The following PCDHB9 variants were observed in gnomAD, a reference collection of about 807,000 sequenced individuals.
PCDHB9 encodes the protein protocadherin beta 9.
For synonymous variants in PCDHB9, 501 were observed against 439.7 expected (o/e 1.14, Z -1.75); for missense variants, 1,072 against 995.1 (o/e 1.08, Z -1.04).
chr5:141,189,825 C>T lies in PCDHB9; in HGVS notation c.*113C>T, dbSNP rs1753856555. ...TATTTTTTGTTTGATTCATCTTCAA[C>T]TTTGCGTATTATGCTTAACTTCACA... On this transcript the variant is annotated 3_prime_UTR_variant, in exon 1 of 1. Coordinates refer to ENST00000316105, the MANE Select transcript of PCDHB9 (RefSeq NM_019119.5). 1 of 930,530 alleles carries T rather than the reference C, an allele frequency of 1.1e-6. No individual in the cohort carries two copies. The highest frequency in any genetic ancestry group is 1.7e-5 in the African/African-American group (1 of 60,082). The allele number at this position is 930,530 out of a possible 1,614,324, so 57.6% of individuals were successfully genotyped here. A position where few individuals can be genotyped will look rare whatever the true frequency, so the allele number is the denominator to read the frequency against.
chr5:141,189,367 C>T lies in PCDHB9; in HGVS notation c.2049C>T (p.Ala683=). ...AGGCGGCCCCGGCCCAGGCCCAGGC[C>T]GACTTGCTCACCGTCTACCTGGTGG... ...LPEAAPAQAQ[A]DLLTVYLVVA... Residue 683 remains alanine, a synonymous_variant, in exon 1 of 1, where the codon GCC becomes GCT. Transcript: ENST00000316105. 3.7e-6 allele frequency: 6 copies of T among 1,611,664 alleles called. No homozygotes were observed. Among genetic ancestry groups the T allele is most frequent in the Non-Finnish European group, 5.1e-6 (6 of 1,179,812 alleles).
rs782769511 is a variant in PCDHB9, at chr5:141,187,446, C to T, written c.128C>T (p.Ser43Phe). ...GTGACTGAGGAAACAGAGAAAGGAT[C>T]CTTTGTGGTCAATCTGGCAAAGGAT... ...YSVTEETEKG[S>F]FVVNLAKDLG... is the part of the protein sequence containing the mutation. Residue 43 changes from serine to phenylalanine, a missense_variant, in exon 1 of 1, where the codon TCC becomes TTC. Transcript: ENST00000316105. 1 of 1,613,868 alleles carries T rather than the reference C, an allele frequency of 6.2e-7. No individual in the cohort carries two copies. Among genetic ancestry groups the T allele is most frequent in the East Asian group, 2.2e-5 (1 of 44,880 alleles).
rs782084035 is a variant in PCDHB9, at chr5:141,187,349, C to T, written c.31C>T (p.Gln11Ter). The T allele has an allele frequency of 3.9e-5, 63 of 1,613,952 alleles. No individual in the cohort carries two copies. Among genetic ancestry groups the T allele is most frequent in the Admixed American group, 2.0e-4 (12 of 59,966 alleles). The change falls in exon 1 of 1, where the codon CAA becomes TAA. Residue 11 changes from glutamine (Q) to a stop codon, truncating the protein, a stop_gained. Coordinates refer to ENST00000316105, the MANE Select transcript of PCDHB9 (RefSeq NM_019119.5). LOFTEE classifies it low-confidence loss of function (END_TRUNC). ...GACCAGGGGGTTCAGCTTTCCAAGA[C>T]AAAGGCAAGTCCTGTTTCTTTTTCT... MKTRGFSFPRQRQVLFLFLFW... is the reference protein window; with the variant it reads MKTRGFSFPR
At position 141,191,318 on chromosome 5, in the gene PCDHB9, G is replaced by C. The variant is rs2149667596; in HGVS notation, c.*1606G>C. The C allele has an allele frequency of 6.6e-6, 1 of 152,176 alleles. No individual in the cohort carries two copies. Among genetic ancestry groups the C allele is most frequent in the South Asian group, 2.1e-4 (1 of 4,814 alleles). 9.4% of individuals were successfully genotyped at this position (152,176 alleles called of 1,614,324 possible). On this transcript the variant is annotated 3_prime_UTR_variant, in exon 1 of 1. Coordinates refer to ENST00000316105, the MANE Select transcript of PCDHB9 (RefSeq NM_019119.5). ...CTTTGAATAAAATTCTATGAAAAAA[G>C]ACACTAGAATGCTGTTCTTAATTTT... is the stretch of plus-strand genomic sequence containing the variant.
Position 141,187,244 on chromosome 5 carries a change from C to A in PCDHB9, c.-75C>A. On this transcript the variant is annotated 5_prime_UTR_variant, in exon 1 of 1. Transcript: ENST00000316105. ...TTAAAAACCCTAGATCTCTGGTACACATAAGTCTGGGTTTGCGATTGCTAT... is the reference window on the plus strand; with the variant it reads ...TTAAAAACCCTAGATCTCTGGTACAAATAAGTCTGGGTTTGCGATTGCTAT... 1 of 1,448,220 alleles carries A rather than the reference C, an allele frequency of 6.9e-7. No individual in the cohort carries two copies. The highest frequency in any genetic ancestry group is 1.3e-5 in the South Asian group (1 of 76,286). 89.7% of individuals were successfully genotyped at this position (1,448,220 alleles called of 1,614,324 possible). A position where few individuals can be genotyped will look rare whatever the true frequency, so the allele number is the denominator to read the frequency against.
chr5:141,189,621 A>G lies in PCDHB9; in HGVS notation c.2303A>G (p.Lys768Arg). ...GSETGEFKFL[K>R]PITPHLPPHR... ...GAGACCGGCGAGTTCAAGTTCTTGA[A>G]GCCGATTACCCCCCACCTCCCGCCC... is the stretch of plus-strand genomic sequence containing the variant. The change falls in exon 1 of 1, where the codon AAG (lysine) becomes AGG (arginine). Residue 768 changes from lysine to arginine, a missense_variant. Coordinates refer to ENST00000316105, the MANE Select transcript of PCDHB9 (RefSeq NM_019119.5). 1 of 1,614,092 alleles carries G rather than the reference A, an allele frequency of 6.2e-7. No individual in the cohort carries two copies. The highest frequency in any genetic ancestry group is 1.1e-5 in the South Asian group (1 of 91,060).
rs1554282715 is a variant in PCDHB9, at chr5:141,187,162, C to G, written c.-157C>G. ...GGAAGTCCTTGACAAAAAGGAAACA[C>G]TGAGACAGATGGGCTGAGAAGAAGA... On this transcript the variant is annotated 5_prime_UTR_variant, in exon 1 of 1. Coordinates refer to ENST00000316105, the MANE Select transcript of PCDHB9 (RefSeq NM_019119.5). 1 of 1,173,014 alleles carries G rather than the reference C, an allele frequency of 8.5e-7. No individual in the cohort carries two copies. The allele number at this position is 1,173,014 out of a possible 1,614,324, so 72.7% of individuals were successfully genotyped here.
chr5:141,188,953 G>C lies in PCDHB9; in HGVS notation c.1635G>C (p.Ala545=), dbSNP rs1417941624. Reference sequence around the variant, plus strand: ...GCTCCCCGGCTTTGAGCAGCGAGGCGCTGGTGCGCGTACTGGTGCTGGACG... The same window carrying C: ...GCTCCCCGGCTTTGAGCAGCGAGGCCCTGGTGCGCGTACTGGTGCTGGACG... ...DRGSPALSSE[A]LVRVLVLDAN... Residue 545 remains alanine, a synonymous_variant, in exon 1 of 1, where the codon GCG becomes GCC. Coordinates refer to ENST00000316105, the MANE Select transcript of PCDHB9 (RefSeq NM_019119.5). The C allele has an allele frequency of 6.2e-7, 1 of 1,611,870 alleles. No homozygotes were observed. The highest frequency in any genetic ancestry group is 1.1e-5 in the South Asian group (1 of 90,978).
At position 141,188,532 on chromosome 5, in the gene PCDHB9, C is replaced by G; in HGVS notation, c.1214C>G (p.Thr405Ser). ...PSVDNFYILM[T>S]EGALDRESKA... ...GTTGACAATTTTTACATCCTAATGA[C>G]TGAAGGTGCACTGGACAGAGAGAGC... Residue 405 changes from threonine to serine, a missense_variant, in exon 1 of 1, where the codon ACT (threonine) becomes AGT (serine). Transcript: ENST00000316105. The G allele has an allele frequency of 6.2e-7, 1 of 1,614,206 alleles. No individual in the cohort carries two copies. Among genetic ancestry groups the G allele is most frequent in the Non-Finnish European group, 8.5e-7 (1 of 1,180,040 alleles).
At position 141,187,383 on chromosome 5, in the gene PCDHB9, G is replaced by T; in HGVS notation, c.65G>T (p.Gly22Val). Residue 22 changes from glycine (G) to valine (V), a missense_variant, in exon 1 of 1, where the codon GGA (glycine) becomes GTA (valine). Transcript: ENST00000316105. ...GTCCTGTTTCTTTTTCTTTTCTGGGGAGTGTCCTTGGCAGGTTCTGGGTTT... is the reference window on the plus strand; with the variant it reads ...GTCCTGTTTCTTTTTCTTTTCTGGGTAGTGTCCTTGGCAGGTTCTGGGTTT... ...RQVLFLFLFW[G>V]VSLAGSGFGR... 6.2e-7 allele frequency: 1 copy of T among 1,614,140 alleles called. No individual in the cohort carries two copies. Among genetic ancestry groups the T allele is most frequent in the South Asian group, 1.1e-5 (1 of 91,082 alleles).
rs376317882 is a variant in PCDHB9, at chr5:141,188,739, G to A, written c.1421G>A (p.Ser474Asn). 2.2e-5 allele frequency: 35 copies of A among 1,613,266 alleles called. No individual in the cohort carries two copies. The highest frequency in any genetic ancestry group is 2.6e-5 in the Non-Finnish European group (31 of 1,180,044). ...CCCGCCCTGCACATCGGCAGTGTCA[G>A]CGCCACAGACAGAGACTCAGGCACC... The part of the protein sequence containing the change: ...NSPALHIGSV[S>N]ATDRDSGTNA... Residue 474 changes from serine to asparagine, a missense_variant, in exon 1 of 1, where the codon AGC becomes AAC. Transcript: ENST00000316105.
In PCDHB9 at chr5:141,188,911, G is replaced by C; in HGVS notation, c.1593G>C (p.Val531=). 1 of 1,612,268 alleles carries C rather than the reference G, an allele frequency of 6.2e-7. No individual in the cohort carries two copies. The highest frequency in any genetic ancestry group is 8.5e-7 in the Non-Finnish European group (1 of 1,179,864). ...CCCTGCAGGCTTTCGACTTCCGCGT[G>C]GGCGCCTCAGACCGCGGCTCCCCGG... The part of the protein sequence containing the change: ...YEALQAFDFR[V]GASDRGSPAL... The change falls in exon 1 of 1, where the codon GTG becomes GTC. Residue 531 remains valine, a synonymous_variant. Coordinates refer to ENST00000316105, the MANE Select transcript of PCDHB9 (RefSeq NM_019119.5).
At position 141,188,552 on chromosome 5, in the gene PCDHB9, G is replaced by C; in HGVS notation, c.1234G>C (p.Glu412Gln). 2 of 1,614,222 alleles carry C rather than the reference G, an allele frequency of 1.2e-6. No homozygotes were observed. Among genetic ancestry groups the C allele is most frequent in the Non-Finnish European group, 1.7e-6 (2 of 1,180,042 alleles). ...AATGACTGAAGGTGCACTGGACAGA[G>C]AGAGCAAAGCTGAGTACAACATCAC... ...ILMTEGALDRESKAEYNITIT... is the reference protein window; with the variant it reads ...ILMTEGALDRQSKAEYNITIT... Residue 412 changes from glutamate (E) to glutamine (Q), a missense_variant, in exon 1 of 1, where the codon GAG becomes CAG. By Grantham distance (29) the Glu-to-Gln change is conservative. Coordinates refer to ENST00000316105, the MANE Select transcript of PCDHB9 (RefSeq NM_019119.5).
At position 141,187,737 on chromosome 5, in the gene PCDHB9, T is replaced by A; in HGVS notation, c.419T>A (p.Leu140Ter). 1 of 1,614,144 alleles carries A rather than the reference T, an allele frequency of 6.2e-7. No individual in the cohort carries two copies. The highest frequency in any genetic ancestry group is 1.7e-5 in the Admixed American group (1 of 60,006). The change falls in exon 1 of 1, where the codon TTA becomes TAA. Residue 140 changes from leucine (L) to a stop codon, truncating the protein, a stop_gained. Transcript: ENST00000316105. LOFTEE classifies it low-confidence loss of function (END_TRUNC). ...SPVFRHKEMVLKISENTAEGT... is the reference protein window; with the variant it reads ...SPVFRHKEMV ...GTGTTTCGGCACAAAGAGATGGTCT[T>A]AAAAATATCAGAAAATACAGCTGAA...
rs1462369488 is a variant in PCDHB9, at chr5:141,188,840, G to A, written c.1522G>A (p.Ala508Thr). The A allele has an allele frequency of 5.0e-6, 8 of 1,612,754 alleles. No individual in the cohort carries two copies. Among genetic ancestry groups the A allele is most frequent in the Non-Finnish European group, 6.8e-6 (8 of 1,179,984 alleles). Residue 508 changes from alanine to threonine, a missense_variant, in exon 1 of 1, where the codon GCG becomes ACG. Coordinates refer to ENST00000316105, the MANE Select transcript of PCDHB9 (RefSeq NM_019119.5). ...CCTCGCCTCCCTGGTCTCCATCAAC[G>A]CGGACAATGGCCACCTGTTTGCCCT... is the stretch of plus-strand genomic sequence containing the variant. Reference protein sequence around the residue: ...LPLASLVSINADNGHLFALRS... With the variant: ...LPLASLVSINTDNGHLFALRS...
Position 141,189,665 on chromosome 5 carries a change from A to C in PCDHB9, c.2347A>C (p.Ile783Leu). The stretch of plus-strand genomic sequence containing the variant: ...CCCGCCCCATAGGGGTGGGAAAGAA[A>C]TAGAGGAAAATTCTACTCTCCCCAA... ...HLPPHRGGKE[I>L]EENSTLPNSF... The change falls in exon 1 of 1, where the codon ATA becomes CTA. Residue 783 changes from isoleucine (I) to leucine (L), a missense_variant. Physicochemically the swap from Ile to Leu is conservative, Grantham distance 5. Coordinates refer to ENST00000316105, the MANE Select transcript of PCDHB9 (RefSeq NM_019119.5). The C allele has an allele frequency of 6.2e-7, 1 of 1,612,086 alleles. No individual in the cohort carries two copies. Among genetic ancestry groups the C allele is most frequent in the East Asian group, 2.2e-5 (1 of 44,846 alleles).
rs782776220 is a variant in PCDHB9, at chr5:141,189,560, A to C, written c.2242A>C (p.Ser748Arg). The C allele has an allele frequency of 8.1e-6, 13 of 1,613,998 alleles. No homozygotes were observed. The East Asian group carries it at 2.9e-4, about 36-fold the overall frequency. ...GAGCGGCACCGGGACCCTGTTCCAG[A>C]GCTACCAGTACGAGGTGTGTCTGAC... ...DVSGTGTLFQ[S>R]YQYEVCLTGG... Residue 748 changes from serine (S) to arginine (R), a missense_variant, in exon 1 of 1, where the codon AGC becomes CGC. Coordinates refer to ENST00000316105, the MANE Select transcript of PCDHB9 (RefSeq NM_019119.5).
Position 141,187,981 on chromosome 5 carries a change from C to A in PCDHB9, c.663C>A (p.Ser221=). The A allele has an allele frequency of 6.2e-7, 1 of 1,613,980 alleles. No homozygotes were observed. The highest frequency in any genetic ancestry group is 1.1e-5 in the South Asian group (1 of 91,064). Residue 221 remains serine (S), a synonymous_variant, in exon 1 of 1, where the codon TCC becomes TCA. Coordinates refer to ENST00000316105, the MANE Select transcript of PCDHB9 (RefSeq NM_019119.5). Reference sequence around the variant, plus strand: ...CAGCGCTGGATGGTGGGTCTCCATCCAGGTCTGGGACCTCCACTATACGCA... The same window carrying A: ...CAGCGCTGGATGGTGGGTCTCCATCAAGGTCTGGGACCTCCACTATACGCA... ...TLTALDGGSP[S]RSGTSTIRIV...
In PCDHB9 at chr5:141,191,251, T is replaced by A. The variant is rs1753897661; in HGVS notation, c.*1539T>A. ...CCTGGGCAATAAGAGCAAAACTCCA[T>A]CAAAATAAAATAAAATAAAATATAA... On this transcript the variant is annotated 3_prime_UTR_variant, in exon 1 of 1. Transcript: ENST00000316105. 1 of 151,674 alleles carries A rather than the reference T, an allele frequency of 6.6e-6. No individual in the cohort carries two copies. The highest frequency in any genetic ancestry group is 2.1e-4 in the South Asian group (1 of 4,792). 9.4% of individuals were successfully genotyped at this position (151,674 alleles called of 1,614,324 possible).
Sources: allele counts gnomAD v4.1 joint callset, GRCh38; gene constraint gnomAD v4.1.1; transcripts MANE v1.5; gene names NCBI Gene and HGNC (gene_info 2026-07-23, HGNC 2026-07-21).